Variants in TRPM8 observed in about 807,000 individuals in gnomAD.
TRPM8 encodes transient receptor potential cation channel subfamily M member 8, also known as TRPM8 cationic channel.
Under a neutral mutation model 133.7 loss-of-function variants are expected in TRPM8, and 110 were observed. That is an observed-to-expected ratio of 0.82 (90% CI 0.70 to 0.96). The LOEUF (loss-of-function observed/expected upper bound fraction) is 0.96. Ranked by LOEUF, TRPM8 falls within the 40% of genes least tolerant of loss-of-function variation. The pLI is 0.00. For missense variants in TRPM8, 1,291 were observed against 1,379.5 expected (o/e 0.94, Z 1.02); for synonymous variants, 535 against 532.3 (o/e 1.01, Z -0.07).
intron 17 of TRPM8, among the ~76,000 whole-genome samples, chr2:233,972,911 C>T (rs545157452): frequency 6.6e-6 from 1 of 152,344 alleles, no homozygotes; most frequent in Non-Finnish European, 1.5e-5. Flanking sequence ...CAGAAAGGGG[C>T]TCCCACAGTG....
intron 10 of TRPM8, 191 bp from the exon 11 acceptor site, chr2:233,954,941 A>C (rs777335510): frequency 2.3e-5 from 12 of 523,392 alleles, no homozygotes; most frequent in Non-Finnish European, 3.8e-5. Flanking sequence ...CCCCATTATA[A>C]ACTTTGGGAC....
At position 234,007,036 on chromosome 2, in the gene TRPM8, C is replaced by A. The variant is rs1692712226; in HGVS notation, c.3230+84C>A. ...AACGTAGGCAGCTTATTTGAGCAAACTCAGTAAAGAGCATTTTCAACAGAG... is the reference window on the plus strand; with the variant it reads ...AACGTAGGCAGCTTATTTGAGCAAAATCAGTAAAGAGCATTTTCAACAGAG... On this transcript the variant is annotated intron_variant, in intron 23 of 25. Coordinates refer to ENST00000324695, the MANE Select transcript of TRPM8 (RefSeq NM_024080.5). 5 of 948,442 alleles carry A rather than the reference C, an allele frequency of 5.3e-6. No individual in the cohort carries two copies. In the East Asian group the frequency reaches 1.0e-4, roughly 19 times the overall value. 58.8% of individuals were successfully genotyped at this position (948,442 alleles called of 1,614,324 possible).
chr2:234,001,835 G>A (rs1692572138), intron 22 of TRPM8, among the ~76,000 whole-genome samples: 1 of 152,176 alleles, frequency 6.6e-6, no homozygotes, highest in Non-Finnish European at 1.5e-5. Flanking sequence ...TAATTTCGCG[G>A]AGAGCCTGCG....
At chr2:233,920,580 C>T (rs1574682044) in intron 1 of TRPM8, among the ~76,000 whole-genome samples, 1 of 152,180 alleles carries the variant, frequency 6.6e-6, no homozygotes, top group African/African-American at 2.4e-5. Context: ...TAAGAAATAG[C>T]CAGGCTAAGT....
intron 3 of TRPM8, among the ~76,000 whole-genome samples, chr2:233,931,786 T>C (rs1278384716): frequency 7.9e-5 from 12 of 152,218 alleles, no homozygotes; most frequent in African/African-American, 2.9e-4. Flanking sequence ...GCATCATGAG[T>C]CATTCTGACA....
chr2:233,993,527 C>T (rs570285696), intron 21 of TRPM8, among the ~76,000 whole-genome samples: 1 of 152,318 alleles, frequency 6.6e-6, no homozygotes, highest in Admixed American at 6.5e-5. Context: ...ACCTGCACCT[C>T]CCTGCTTTGT....
chr2:233,942,770 G>T lies in TRPM8; in HGVS notation c.699+22G>T, dbSNP rs978577685. On this transcript the variant is annotated intron_variant, in intron 6 of 25. Transcript: ENST00000324695. The stretch of plus-strand genomic sequence containing the variant: ...TGAGGTACCGGTGGGACAGGAGGAG[G>T]TCTGCTAGGTCACATGGAAGAAAGA... 7 of 1,613,224 alleles carry T rather than the reference G, an allele frequency of 4.3e-6. No homozygotes were observed. The African/African-American group carries it at 9.3e-5, about 22-fold the overall frequency.
chr2:234,007,782 C>T (rs1223691414), intron 23 of TRPM8, among the ~76,000 whole-genome samples: 1 of 152,206 alleles, frequency 6.6e-6, no homozygotes, highest in African/African-American at 2.4e-5. Flanking sequence ...ACTCTGAGAT[C>T]TAGGTTTTGC....
intron 12 of TRPM8, among the ~76,000 whole-genome samples, chr2:233,962,227 A>G (rs1691457425): frequency 1.3e-5 from 2 of 152,186 alleles, no homozygotes; most frequent in African/African-American, 2.4e-5. Flanking sequence ...AGGAAGGCCC[A>G]GTTTCCAATT....
intron 3 of TRPM8, among the ~76,000 whole-genome samples, chr2:233,931,712 T>C (rs7562952): frequency 0.083 from 12,568 of 152,280 alleles, 633 homozygotes; most frequent in Middle Eastern, 0.15. Flanking sequence ...TTACTTCATG[T>C]GAATTAGAAA....
intron 24 of TRPM8, among the ~76,000 whole-genome samples, chr2:234,009,337 G>A (rs531731961): frequency 1.3e-5 from 2 of 152,286 alleles, no homozygotes; most frequent in African/African-American, 4.8e-5. Flanking sequence ...ACTTCGGAGG[G>A]AGCTAATGGA....
chr2:233,923,362 C>T (rs1691448869), intron 1 of TRPM8, among the ~76,000 whole-genome samples: 1 of 152,134 alleles, frequency 6.6e-6, no homozygotes, highest in Admixed American at 6.6e-5. Context: ...TTGGAAAGGC[C>T]TGTTACTGAC....
rs991349218 is a variant in TRPM8 at position 233,996,359 on chromosome 2, C to T, written c.2973C>T (p.Asp991=). Residue 991 remains aspartate (D), a synonymous_variant, in exon 22 of 26, where the codon GAC becomes GAT. Coordinates refer to ENST00000324695, the MANE Select transcript of TRPM8 (RefSeq NM_024080.5). Reference sequence around the variant, plus strand: ...TGGGCACCGTCCAGGAGAACAATGACCAGGTCTGGAAGTTCCAGAGGTACT... The same window carrying T: ...TGGGCACCGTCCAGGAGAACAATGATCAGGTCTGGAAGTTCCAGAGGTACT... ...YTVGTVQENN[D]QVWKFQRYFL... 6.2e-7 allele frequency: 1 copy of T among 1,614,070 alleles called. No individual in the cohort carries two copies. The highest frequency in any genetic ancestry group is 2.2e-5 in the East Asian group (1 of 44,900).
chr2:233,963,574 TG>T (rs958272836), intron 13 of TRPM8, among the ~76,000 whole-genome samples, 197 bp downstream of exon 13: 1 of 152,096 alleles, frequency 6.6e-6, no homozygotes, highest in East Asian at 1.9e-4. Flanking sequence ...TAGTCAGGCT[TG>T]GGGGGCAGTC....
intron 2 of TRPM8, among the ~76,000 whole-genome samples, chr2:233,927,860 C>CTCTTTCTTTCTTTCTTTCTT (rs1176809297): frequency 8.3e-5 from 2 of 24,088 alleles, no homozygotes; most frequent in Non-Finnish European, 1.3e-4. Context: ...TCCTTTCTTT[C>CTCTTTCTTTCTTTCTTTCTT]TCTTTCTTTC....
intron 1 of TRPM8, among the ~76,000 whole-genome samples, chr2:233,920,684 A>G (rs1691389107): frequency 6.6e-6 from 1 of 152,034 alleles, no homozygotes; most frequent in African/African-American, 2.4e-5. Flanking sequence ...TTAACTTATT[A>G]TTTTGAGATA....
rs1692988051 is a variant in TRPM8 at position 234,017,593 on chromosome 2, AC to A, written c.*338del. 3.4e-6 allele frequency: 1 copy of A among 298,478 alleles called. No individual in the cohort carries two copies. Among genetic ancestry groups the A allele is most frequent in the Non-Finnish European group, 6.6e-6 (1 of 152,182 alleles). The allele number at this position is 298,478 out of a possible 1,614,324, so 18.5% of individuals were successfully genotyped here. A position where few individuals can be genotyped will look rare whatever the true frequency, so the allele number is the denominator to read the frequency against. ...TTTCCTTTAATCTTATTTTTGATGA[AC>A]ACATATATAGGAGAACATCTATCCT... is the stretch of plus-strand genomic sequence containing the variant. On this transcript the variant is annotated 3_prime_UTR_variant, in exon 26 of 26. Coordinates refer to ENST00000324695, the MANE Select transcript of TRPM8 (RefSeq NM_024080.5).
chr2:234,000,091 A>ATTTG (rs369435095), intron 22 of TRPM8, among the ~76,000 whole-genome samples: 1,937 of 130,300 alleles, frequency 0.015, 24 homozygotes, highest in South Asian at 0.026. Context: ...TGGATGATTT[A>ATTTG]TTTATTTATT....
chr2:233,961,178 A>C, intron 12 of TRPM8, 112 bp downstream of exon 12: 1 of 1,057,372 alleles, frequency 9.5e-7, no homozygotes, highest in Non-Finnish European at 1.3e-6. Flanking sequence ...TACTTAACAC[A>C]CTGACAATGT....
Sources: gnomAD v4.1 joint callset for allele counts (sites outside exome capture counted in the v4.1 genomes callset) on GRCh38, gnomAD v4.1.1 for gene constraint, MANE v1.5 for transcripts, NCBI Gene and HGNC (gene_info 2026-07-23, HGNC 2026-07-21) for gene names.